The following MDFIC variants were observed in gnomAD, a reference collection of about 807,000 sequenced individuals.
MDFIC encodes the protein MyoD family inhibitor domain containing.
Under a neutral mutation model 23.2 loss-of-function variants are expected in MDFIC, and 17 were observed. The observed-to-expected ratio is 0.73, with a 90% confidence interval of 0.50 to 1.10. MDFIC has a LOEUF of 1.10. MDFIC is among the 50% of genes least tolerant of loss of function. The pLI is 0.00. For missense variants in MDFIC, 356 were observed against 316.6 expected (o/e 1.12, Z -0.95); for synonymous variants, 120 against 115.2 (o/e 1.04, Z -0.27).
chr7:115,003,200 T>A (rs1791497554), intron 4 of MDFIC, among the ~76,000 whole-genome samples: 2 of 152,164 alleles, frequency 1.3e-5, no homozygotes, highest in Admixed American at 1.3e-4. Flanking sequence ...CTTCCTTAAA[T>A]GCTTTTGTTA....
chr7:114,978,701 A>G (rs1237812521), intron 3 of MDFIC, among the ~76,000 whole-genome samples: 1 of 151,948 alleles, frequency 6.6e-6, no homozygotes, highest in Non-Finnish European at 1.5e-5. Context: ...TATATATTTG[A>G]ATGTTCCCCA....
rs779505251 is a variant in MDFIC, at chr7:114,922,457, C to A, written c.-287C>A. 1 of 1,245,678 alleles carries A rather than the reference C, an allele frequency of 8.0e-7. No individual in the cohort carries two copies. The highest frequency in any genetic ancestry group is 1.0e-6 in the Non-Finnish European group (1 of 989,292). The allele number at this position is 1,245,678 out of a possible 1,614,324, so 77.2% of individuals were successfully genotyped here. A position where few individuals can be genotyped will look rare whatever the true frequency, so the allele number is the denominator to read the frequency against. On this transcript the variant is annotated 5_prime_UTR_variant, in exon 1 of 5. Transcript: ENST00000393486. Reference sequence around the variant, plus strand: ...GCCGCCACCGCTGCCGCAGTTGCCGCCACTGCGGCGTCTGGGCTGAGCCGG... The same window carrying A: ...GCCGCCACCGCTGCCGCAGTTGCCGACACTGCGGCGTCTGGGCTGAGCCGG...
chr7:114,996,418 C>A (rs1470715241), intron 4 of MDFIC, among the ~76,000 whole-genome samples: 1 of 151,964 alleles, frequency 6.6e-6, no homozygotes, highest in Non-Finnish European at 1.5e-5. Context: ...TAAGGAATGG[C>A]CATTAACTGA....
intron 3 of MDFIC, among the ~76,000 whole-genome samples, chr7:114,949,563 A>G (rs1048659995): frequency 1.3e-5 from 2 of 152,236 alleles, no homozygotes; most frequent in Non-Finnish European, 2.9e-5. Context: ...ATTAGGAATT[A>G]AAGAGTAATT....
chr7:114,983,893 C>T (rs188471034), intron 4 of MDFIC, among the ~76,000 whole-genome samples: 13 of 152,166 alleles, frequency 8.5e-5, no homozygotes, highest in African/African-American at 3.1e-4. Flanking sequence ...GTGCTACTTG[C>T]TTCTCTCACA....
chr7:114,934,606 T>C (rs1792389084), intron 2 of MDFIC, among the ~76,000 whole-genome samples: 1 of 152,170 alleles, frequency 6.6e-6, no homozygotes, highest in Admixed American at 6.5e-5. Context: ...TCTAAATACA[T>C]AAGAAGCCCT....
chr7:114,939,021 A>T (rs1792488442), intron 2 of MDFIC, among the ~76,000 whole-genome samples: 1 of 152,198 alleles, frequency 6.6e-6, no homozygotes, highest in Non-Finnish European at 1.5e-5. Context: ...GGATATCATG[A>T]TCCCCATCTT....
chr7:114,957,259 A>G (rs1330692036), intron 3 of MDFIC, among the ~76,000 whole-genome samples: 1 of 152,070 alleles, frequency 6.6e-6, no homozygotes, highest in Non-Finnish European at 1.5e-5. Context: ...GATGAAAACG[A>G]TTTTGCCTAT....
In MDFIC at chr7:114,992,832, A is replaced by C. The variant is rs10278949; in HGVS notation, c.493+13051A>C. ...TCTCTTTTTTCGTTGTATCTCTGCC[A>C]GGCTTTGGTATCAGGATAATGCTGG... On this transcript the variant is annotated intron_variant, in intron 4 of 4. Transcript: ENST00000393486. Among the ~76,000 whole-genome samples, 6 of 152,292 alleles carry C rather than the reference A, an allele frequency of 3.9e-5. No homozygotes were observed. The East Asian group carries it at 1.2e-3, about 29-fold the overall frequency.
chr7:115,015,380 G>A (rs1791774799), intron 4 of MDFIC, among the ~76,000 whole-genome samples: 1 of 152,186 alleles, frequency 6.6e-6, no homozygotes, highest in Admixed American at 6.5e-5. Context: ...TGAGTAAGAA[G>A]GATAGAGAAG....
chr7:115,014,523 A>T, intron 4 of MDFIC: 1 of 1,289,238 alleles, frequency 7.8e-7, no homozygotes, highest in Admixed American at 2.3e-5. Flanking sequence ...CACAAAGGAC[A>T]TGTGACAATG....
intron 3 of MDFIC, among the ~76,000 whole-genome samples, chr7:114,975,022 G>A (rs1793282362): frequency 6.6e-6 from 1 of 151,594 alleles, no homozygotes; most frequent in South Asian, 2.1e-4. Context: ...AAATTTTGAT[G>A]TGTATTGCAT....
intron 4 of MDFIC, among the ~76,000 whole-genome samples, chr7:115,003,316 C>T (rs1339779748): frequency 2.6e-5 from 4 of 152,156 alleles, no homozygotes; most frequent in Admixed American, 6.5e-5. Context: ...GACTAACTAC[C>T]ACGCAAACTC....
intron 3 of MDFIC, among the ~76,000 whole-genome samples, chr7:114,978,156 T>A (rs1033862424): frequency 6.6e-6 from 1 of 151,906 alleles, no homozygotes; most frequent in African/African-American, 2.4e-5. Context: ...TTGGCTTGTA[T>A]GTCTATGCCT....
intron 4 of MDFIC, among the ~76,000 whole-genome samples, chr7:114,983,514 G>A (rs76771186): frequency 0.045 from 6,740 of 150,094 alleles, 211 homozygotes; most frequent in Non-Finnish European, 0.069. Context: ...GTCTTTAACT[G>A]TGAGTGTCTG....
In MDFIC at chr7:114,922,583, AGAGGAG is replaced by A. The variant is rs745543242; in HGVS notation, c.-146_-141del. 4.7e-6 allele frequency: 6 copies of A among 1,266,864 alleles called. No individual in the cohort carries two copies. The highest frequency in any genetic ancestry group is 6.1e-5 in the East Asian group (2 of 32,628). 78.5% of individuals were successfully genotyped at this position (1,266,864 alleles called of 1,614,324 possible). On this transcript the variant is annotated 5_prime_UTR_variant, in exon 1 of 5. Coordinates refer to ENST00000393486, the MANE Select transcript of MDFIC (RefSeq NM_001166345.3). ...AGGCTCGCTAACTTTCCGGGGCGGA[AGAGGAG>A]GAGGAGGAGGAGGAAGGGGCTTGGA...
intron 4 of MDFIC, among the ~76,000 whole-genome samples, chr7:114,992,477 G>C (rs893717374): frequency 2.6e-5 from 4 of 152,132 alleles, no homozygotes; most frequent in African/African-American, 9.7e-5. Context: ...TATGATATTG[G>C]CTGTGGGTTT....
chr7:114,925,097 C>A (rs1026432684), intron 2 of MDFIC, among the ~76,000 whole-genome samples: 9 of 151,856 alleles, frequency 5.9e-5, no homozygotes, highest in Non-Finnish European at 2.9e-5. Flanking sequence ...ATATTAAAGT[C>A]AGTAAGAAAA....
At chr7:114,944,268 A>G (rs1792603413) in intron 3 of MDFIC, among the ~76,000 whole-genome samples, 1 of 152,188 alleles carries the variant, frequency 6.6e-6, no homozygotes, top group South Asian at 2.1e-4. Context: ...TGCTGGGGAA[A>G]CTGACAGTTT....
Sources: gnomAD v4.1 joint callset for allele counts (sites outside exome capture counted in the v4.1 genomes callset) on GRCh38, gnomAD v4.1.1 for gene constraint, MANE v1.5 for transcripts, NCBI Gene and HGNC (gene_info 2026-07-23, HGNC 2026-07-21) for gene names.